The following TLL1 variants were observed in gnomAD, a reference collection of about 807,000 sequenced individuals.
The protein encoded by TLL1 is tolloid like 1, also known as tolloid-like protein 1.
TLL1 carries 49 observed loss-of-function variants against 128.2 expected under a neutral mutation model. The ratio of observed to expected loss-of-function variants is 0.38; its 90% confidence interval spans 0.30 to 0.48. TLL1 has a LOEUF of 0.48. Ranked by LOEUF, TLL1 falls within the 20% of genes least tolerant of loss-of-function variation. The probability of loss-of-function intolerance (pLI) is 0.96; values close to 1 mark genes in which losing one functional copy is unlikely to be tolerated. For missense variants in TLL1, 1,123 were observed against 1,242.0 expected (o/e 0.90, Z 1.44); for synonymous variants, 454 against 418.8 (o/e 1.08, Z -1.03).
chr4:165,889,884 C>T (rs928847454), intron 1 of TLL1, among the ~76,000 whole-genome samples: 8 of 151,854 alleles, frequency 5.3e-5, no homozygotes, highest in African/African-American at 1.7e-4. Context: ...CAACTTTGAC[C>T]TCAATTAATG....
At chr4:165,999,455 A>G (rs900788387) in intron 5 of TLL1, among the ~76,000 whole-genome samples, 2 of 152,146 alleles carry the variant, frequency 1.3e-5, no homozygotes, top group South Asian at 4.1e-4. Context: ...TGTCACTTTT[A>G]GACCATCAGA....
At position 166,057,254 on chromosome 4, in the gene TLL1, C is replaced by T. The variant is rs755337886; in HGVS notation, c.1791C>T (p.Tyr597=). 4 of 1,613,992 alleles carry T rather than the reference C, an allele frequency of 2.5e-6. No homozygotes were observed. In the South Asian group the frequency reaches 3.3e-5, roughly 13 times the overall value. The change falls in exon 14 of 21, where the codon TAC becomes TAT. Residue 597 remains tyrosine, a synonymous_variant. Coordinates refer to ENST00000061240, the MANE Select transcript of TLL1 (RefSeq NM_012464.5). ...GATGTCTGAACACTCTGGGCAGTTA[C>T]CAGTGTGCCTGTGAGCCTGGCTATG... is the stretch of plus-strand genomic sequence containing the variant. The part of the protein sequence containing the change: ...EQRCLNTLGS[Y]QCACEPGYEL...
chr4:166,094,077 T>C (rs757601122), intron 19 of TLL1, among the ~76,000 whole-genome samples: 6 of 152,170 alleles, frequency 3.9e-5, no homozygotes, highest in Non-Finnish European at 8.8e-5. Context: ...CTCTCTTTCT[T>C]TTCCCTACAG....
At chr4:166,040,520 A>G (rs1292074888) in intron 10 of TLL1, among the ~76,000 whole-genome samples, 1 of 152,252 alleles carries the variant, frequency 6.6e-6, no homozygotes, top group African/African-American at 2.4e-5. Context: ...GGCTCAATGT[A>G]TAATGGACCA....
chr4:165,880,315 T>G, intron 1 of TLL1, among the ~76,000 whole-genome samples: 1 of 152,218 alleles, frequency 6.6e-6, no homozygotes, highest in Non-Finnish European at 1.5e-5. Flanking sequence ...CTACATATTT[T>G]GTATTAAGAA....
chr4:165,874,038 C>G lies in TLL1; in HGVS notation c.134C>G (p.Thr45Arg), dbSNP rs372929571. The change falls in exon 1 of 21, where the codon ACA becomes AGA. Residue 45 changes from threonine (T) to arginine (R), a missense_variant. This residue lies in a region of TLL1 where 480 missense variants were observed against 542.4 expected (regional missense o/e 0.89). Transcript: ENST00000061240. ...TTTGATGGGAACGAAGAGGATAAAA[C>G]AGAGACTATAGATTACAAGGACCCG... ...YTFDGNEEDK[T>R]ETIDYKDPCK... The G allele has an allele frequency of 1.2e-6, 2 of 1,614,054 alleles. No individual in the cohort carries two copies. Among genetic ancestry groups the G allele is most frequent in the Non-Finnish European group, 1.7e-6 (2 of 1,180,040 alleles).
intron 8 of TLL1, among the ~76,000 whole-genome samples, chr4:166,021,496 G>C (rs1264560839): frequency 6.9e-6 from 1 of 145,350 alleles, no homozygotes; most frequent in Admixed American, 7.0e-5. Flanking sequence ...GCAGTGGTGT[G>C]ATCTTGGCTC....
intron 1 of TLL1, among the ~76,000 whole-genome samples, chr4:165,914,448 T>G (rs1397794604): frequency 1.3e-5 from 2 of 152,194 alleles, no homozygotes; most frequent in South Asian, 2.1e-4. Flanking sequence ...CCTGAAAGAC[T>G]GAATGATTCT....
intron 18 of TLL1, among the ~76,000 whole-genome samples, chr4:166,090,431 T>C (rs1741710978): frequency 1.3e-5 from 2 of 151,932 alleles, no homozygotes; most frequent in Admixed American, 1.3e-4. Context: ...CAGATGAAAA[T>C]TACAACACAG....
intron 12 of TLL1, among the ~76,000 whole-genome samples, chr4:166,047,195 C>T (rs1024436525): frequency 6.0e-5 from 9 of 151,088 alleles, no homozygotes; most frequent in African/African-American, 1.9e-4. Context: ...TGGAGTCTTG[C>T]TCTGTTTCGC....
At chr4:165,905,503 C>T (rs1274112984) in intron 1 of TLL1, among the ~76,000 whole-genome samples, 1 of 152,110 alleles carries the variant, frequency 6.6e-6, no homozygotes, top group East Asian at 1.9e-4. Flanking sequence ...TCTTGATTCA[C>T]AAAGGATTTC....
chr4:166,063,514 T>C (rs1740433170), intron 15 of TLL1, among the ~76,000 whole-genome samples: 2 of 152,156 alleles, frequency 1.3e-5, no homozygotes, highest in South Asian at 4.1e-4. Context: ...GGATTATAAA[T>C]CATGCTGCTT....
intron 12 of TLL1, among the ~76,000 whole-genome samples, chr4:166,046,170 G>A (rs987462125): frequency 2.6e-5 from 4 of 152,200 alleles, no homozygotes; most frequent in African/African-American, 9.6e-5. Context: ...GAGAAAAATG[G>A]ATGGATGGAT....
At chr4:165,876,670 G>T (rs1730736241) in intron 1 of TLL1, among the ~76,000 whole-genome samples, 1 of 152,170 alleles carries the variant, frequency 6.6e-6, no homozygotes. Flanking sequence ...GAAAGCAGAG[G>T]CCCAGTGAGG....
chr4:165,877,159 C>G (rs1162087810), intron 1 of TLL1, among the ~76,000 whole-genome samples: 1 of 152,194 alleles, frequency 6.6e-6, no homozygotes, highest in East Asian at 1.9e-4. Flanking sequence ...AATTTGTTTA[C>G]CTATCAGAAT....
At chr4:165,983,376 G>A (rs1431309396) in intron 1 of TLL1, among the ~76,000 whole-genome samples, 1 of 151,868 alleles carries the variant, frequency 6.6e-6, no homozygotes, top group Non-Finnish European at 1.5e-5. Flanking sequence ...TTTCCATAAT[G>A]TAAAATTACG....
At position 165,926,550 on chromosome 4, in the gene TLL1, G is replaced by C. The variant is rs189255911; in HGVS notation, c.169+52477G>C. Among the ~76,000 whole-genome samples the C allele has an allele frequency of 1.4e-4, 21 of 152,304 alleles. No homozygotes were observed. The East Asian group carries it at 4.1e-3, about 29-fold the overall frequency. On this transcript the variant is annotated intron_variant, in intron 1 of 20. Transcript: ENST00000061240. Reference sequence around the variant, plus strand: ...TCTGTCTCAGGAAGCAGAAGGCAGAGGGGGGAGTCCTCTGTCTTAAGTACA... The same window carrying C: ...TCTGTCTCAGGAAGCAGAAGGCAGACGGGGGAGTCCTCTGTCTTAAGTACA...
intron 9 of TLL1, 77 bp downstream of exon 9, chr4:166,025,508 C>T: frequency 8.6e-7 from 1 of 1,160,472 alleles, no homozygotes; most frequent in South Asian, 1.3e-5. Context: ...TATAAATTTG[C>T]TTTATCCTTT....
At chr4:165,952,906 C>G (rs1481200194) in intron 1 of TLL1, among the ~76,000 whole-genome samples, 1 of 152,102 alleles carries the variant, frequency 6.6e-6, no homozygotes, top group African/African-American at 2.4e-5. Flanking sequence ...AAACAGAAAA[C>G]TTGAGGTGTT....
Sources: allele counts gnomAD v4.1 joint callset (sites outside exome capture counted in the v4.1 genomes callset), GRCh38; gene constraint gnomAD v4.1.1; regional missense constraint gnomAD v4.1.1; transcripts MANE v1.5; gene names NCBI Gene and HGNC (gene_info 2026-07-23, HGNC 2026-07-21).